Variants in MAPK10 observed in about 807,000 individuals in gnomAD.
The protein encoded by MAPK10 is JNK3 alpha protein kinase.
MAPK10 carries 25 observed loss-of-function variants against 59.3 expected under a neutral mutation model. The observed-to-expected ratio is 0.42, with a 90% CI of 0.31 to 0.59. The LOEUF (loss-of-function observed/expected upper bound fraction) is 0.59, where lower values mean the gene tolerates loss of function less well. Ranked by LOEUF, MAPK10 falls within the 20% of genes least tolerant of loss-of-function variation. The pLI, the probability that MAPK10 is intolerant of heterozygous loss-of-function variation, is 0.15. For missense variants in MAPK10, 351 were observed against 568.9 expected (o/e 0.62, Z 3.90); for synonymous variants, 190 against 200.5 (o/e 0.95, Z 0.44).
intron 9 of MAPK10, among the ~76,000 whole-genome samples, chr4:86,074,474 G>A (rs1210524217): frequency 1.3e-5 from 2 of 148,296 alleles, no homozygotes; most frequent in African/African-American, 2.5e-5. Flanking sequence ...AGTTGATGCA[G>A]TTTCTTCCTA....
At chr4:86,356,844 T>C (rs576074558) in intron 1 of MAPK10, 1 of 152,286 alleles carries the variant, frequency 6.6e-6, no homozygotes, top group Non-Finnish European at 1.5e-5. Flanking sequence ...CCAGTAAGCA[T>C]CTCCCCTACT....
chr4:86,084,626 C>T (rs180837008), intron 9 of MAPK10, among the ~76,000 whole-genome samples: 1 of 152,188 alleles, frequency 6.6e-6, no homozygotes, highest in Non-Finnish European at 1.5e-5. Flanking sequence ...AAAGATATTA[C>T]ATATTCATTG....
intron 2 of MAPK10, among the ~76,000 whole-genome samples, chr4:86,320,362 C>T (rs560767128): frequency 5.9e-5 from 9 of 152,228 alleles, no homozygotes; most frequent in Admixed American, 2.6e-4. Flanking sequence ...TTAATGAGAG[C>T]CTGCAGTGAT....
Position 86,012,826 on chromosome 4 carries a change from G to T in MAPK10, c.*4402C>A, listed in dbSNP as rs1355365107. On this transcript the variant is annotated 3_prime_UTR_variant, in exon 14 of 14. Coordinates refer to ENST00000641462, the MANE Select transcript of MAPK10 (RefSeq NM_138982.4). ...TGCCTTCCAGGGTTGATCTAGAACT[G>T]TAAGGGTGCATGTGAATGTGGGTAT... The T allele has an allele frequency of 2.0e-5, 3 of 152,200 alleles. No individual in the cohort carries two copies. The highest frequency in any genetic ancestry group is 6.5e-5 in the Admixed American group (1 of 15,284). The allele number at this position is 152,200 out of a possible 1,614,324, so 9.4% of individuals were successfully genotyped here.
chr4:86,492,681 C>T (rs1564944652), intron 1 of MAPK10, among the ~76,000 whole-genome samples: 1 of 152,140 alleles, frequency 6.6e-6, no homozygotes, highest in East Asian at 1.9e-4. Context: ...ATAGCAGGTG[C>T]TCAATAACGG....
chr4:86,112,431 T>G (rs908308714), intron 4 of MAPK10, among the ~76,000 whole-genome samples: 4 of 152,190 alleles, frequency 2.6e-5, no homozygotes, highest in African/African-American at 9.6e-5. Context: ...TCTCATTGGT[T>G]TCAAAGAACT....
intron 2 of MAPK10, among the ~76,000 whole-genome samples, chr4:86,312,064 A>G (rs987412698): frequency 6.6e-6 from 1 of 152,140 alleles, no homozygotes; most frequent in African/African-American, 2.4e-5. Flanking sequence ...ACAAGTCAGT[A>G]CTATGTGCAT....
chr4:86,561,272 G>T (rs1323181644), intron 1 of MAPK10, among the ~76,000 whole-genome samples: 2 of 152,104 alleles, frequency 1.3e-5, no homozygotes, highest in East Asian at 3.8e-4. Context: ...TGGGGGATGG[G>T]GATCCCTGTC....
At chr4:86,056,264 C>T (rs1553935063) in intron 11 of MAPK10, among the ~76,000 whole-genome samples, 6 of 150,086 alleles carry the variant, frequency 4.0e-5, no homozygotes, top group Non-Finnish European at 7.4e-5. Flanking sequence ...TTGAAGCAAA[C>T]TTATGCATAT....
intron 1 of MAPK10, among the ~76,000 whole-genome samples, chr4:86,450,935 T>C (rs1289289821): frequency 6.6e-6 from 1 of 152,218 alleles, no homozygotes; most frequent in Non-Finnish European, 1.5e-5. Context: ...TAAAAAGCTA[T>C]AAAATTAGTG....
intron 2 of MAPK10, among the ~76,000 whole-genome samples, chr4:86,262,859 C>T (rs2094060723): frequency 6.6e-6 from 1 of 152,286 alleles, no homozygotes; most frequent in Non-Finnish European, 1.5e-5. Flanking sequence ...GATCTCCTCT[C>T]CAACTTTTCT....
intron 1 of MAPK10, among the ~76,000 whole-genome samples, chr4:86,441,706 A>T (rs1288270436): frequency 6.6e-6 from 1 of 152,224 alleles, no homozygotes; most frequent in Non-Finnish European, 1.5e-5. Context: ...TTTAAAAAAC[A>T]TGGACTAGGC....
chr4:86,021,909 G>A (rs532527360), intron 13 of MAPK10, among the ~76,000 whole-genome samples: 370 of 152,350 alleles, frequency 2.4e-3, no homozygotes, highest in Non-Finnish European at 4.3e-3. Flanking sequence ...GAGTGCGGGG[G>A]CCCGCCAAGC....
intron 9 of MAPK10, among the ~76,000 whole-genome samples, chr4:86,085,102 T>C (rs1191214252): frequency 1.3e-5 from 2 of 152,196 alleles, no homozygotes; most frequent in Admixed American, 6.6e-5. Context: ...CCAATCAAGA[T>C]GAATTAAAGA....
At chr4:86,173,611 A>G (rs555551122) in intron 3 of MAPK10, among the ~76,000 whole-genome samples, 3 of 152,336 alleles carry the variant, frequency 2.0e-5, no homozygotes, top group South Asian at 2.1e-4. Context: ...AATTGCAACA[A>G]AAGCAAAAAT....
chr4:86,169,675 C>A (rs577456801), intron 3 of MAPK10, among the ~76,000 whole-genome samples: 2,762 of 151,576 alleles, frequency 0.018, 39 homozygotes, highest in South Asian at 0.061. Flanking sequence ...CCCAATGTAG[C>A]AAGGCAGGCC....
At chr4:86,061,610 C>T (rs3775186) in intron 11 of MAPK10, among the ~76,000 whole-genome samples, 1 of 152,248 alleles carries the variant, frequency 6.6e-6, no homozygotes, top group Non-Finnish European at 1.5e-5. Flanking sequence ...GATAAGATAG[C>T]TCGTAGTATA....
At chr4:86,269,425 T>C (rs115479887) in intron 2 of MAPK10, among the ~76,000 whole-genome samples, 7,286 of 152,260 alleles carry the variant, frequency 0.048, 238 homozygotes, top group Middle Eastern at 0.085. Context: ...TTTATCACCA[T>C]GACTACCTCA....
At chr4:86,206,120 G>A (rs994421808) in intron 2 of MAPK10, among the ~76,000 whole-genome samples, 13 of 151,710 alleles carry the variant, frequency 8.6e-5, no homozygotes, top group Non-Finnish European at 1.6e-4. Flanking sequence ...ATGTATACAT[G>A]TGCCATGCTG....
Sources: gnomAD v4.1 joint callset for allele counts (sites outside exome capture counted in the v4.1 genomes callset) on GRCh38, gnomAD v4.1.1 for gene constraint, MANE v1.5 for transcripts, NCBI Gene and HGNC (gene_info 2026-07-23, HGNC 2026-07-21) for gene names.